The following ZMAT4 variants were observed in gnomAD, a reference collection of about 807,000 sequenced individuals.
The protein encoded by ZMAT4 is zinc finger matrin-type 4.
In ZMAT4, 17 loss-of-function variants were observed where a neutral mutation model predicts 28.7. The ratio of observed to expected loss-of-function variants is 0.59; its 90% CI spans 0.41 to 0.89. ZMAT4 has a LOEUF of 0.89. ZMAT4 is among the 40% of genes least tolerant of loss of function. The pLI is 0.00. For synonymous variants in ZMAT4, 117 were observed against 109.2 expected, an observed-to-expected ratio of 1.07 and a Z score of -0.44; for missense variants, 240 against 283.8, an observed-to-expected ratio of 0.85 and a Z score of 1.11.
chr8:40,607,669 G>A (rs1805645169), intron 5 of ZMAT4, among the ~76,000 whole-genome samples: 1 of 152,104 alleles, frequency 6.6e-6, no homozygotes, highest in South Asian at 2.1e-4. Context: ...ATGTCCAAGG[G>A]AAGATCTCCA....
intron 5 of ZMAT4, among the ~76,000 whole-genome samples, chr8:40,617,766 C>CAT (rs1462937160): frequency 6.6e-6 from 1 of 152,146 alleles, no homozygotes; most frequent in Non-Finnish European, 1.5e-5. Flanking sequence ...AACCACATAA[C>CAT]AAAAGATGAT....
chr8:40,593,310 A>T (rs1804958143), intron 5 of ZMAT4, among the ~76,000 whole-genome samples: 1 of 152,186 alleles, frequency 6.6e-6, no homozygotes, highest in African/African-American at 2.4e-5. Context: ...CAAGATACAC[A>T]GTGGGTTGGA....
chr8:40,687,625 C>T (rs1158637367), intron 4 of ZMAT4, among the ~76,000 whole-genome samples: 2 of 152,008 alleles, frequency 1.3e-5, no homozygotes, highest in Non-Finnish European at 2.9e-5. Context: ...TTGTATGGAC[C>T]TCTTTCTCTC....
At chr8:40,869,041 A>G (rs1178400971) in intron 1 of ZMAT4, among the ~76,000 whole-genome samples, 2 of 152,010 alleles carry the variant, frequency 1.3e-5, no homozygotes, top group South Asian at 2.1e-4. Flanking sequence ...GAATCCCCCA[A>G]CCTGAGCCCA....
In ZMAT4 at chr8:40,547,185, T is replaced by C. The variant is rs1026454397; in HGVS notation, c.675-14947A>G. On this transcript the variant is annotated intron_variant, in intron 6 of 6. Transcript: ENST00000297737. ...GTGTGTCACCAGTTTTCCCACAGTC[T>C]GTGTGCGGGCAACCCAGCCTGGGAG... Among the ~76,000 whole-genome samples the C allele has an allele frequency of 1.2e-4, 19 of 152,336 alleles. No homozygotes were observed. In the East Asian group the frequency reaches 3.5e-3, roughly 28 times the overall value.
At chr8:40,541,346 G>A (rs1211756318) in intron 6 of ZMAT4, among the ~76,000 whole-genome samples, 1 of 152,062 alleles carries the variant, frequency 6.6e-6, no homozygotes, top group East Asian at 1.9e-4. Context: ...GACGTGGTGG[G>A]ATGTGGCAAA....
intron 5 of ZMAT4, among the ~76,000 whole-genome samples, chr8:40,623,181 A>G (rs1585773248): frequency 6.6e-6 from 1 of 152,184 alleles, no homozygotes; most frequent in Non-Finnish European, 1.5e-5. Flanking sequence ...GTGGATGCTA[A>G]GAGGGCAGAG....
chr8:40,887,503 A>AGG (rs1818500594), intron 1 of ZMAT4, among the ~76,000 whole-genome samples: 1 of 152,034 alleles, frequency 6.6e-6, no homozygotes, highest in African/African-American at 2.4e-5. Context: ...AAAAAAAAAA[A>AGG]AAGTATGTTT....
At chr8:40,802,099 CA>C (rs1376381370) in intron 2 of ZMAT4, among the ~76,000 whole-genome samples, 1 of 152,150 alleles carries the variant, frequency 6.6e-6, no homozygotes, top group Non-Finnish European at 1.5e-5. Context: ...AGAACATCTA[CA>C]AGAAACCTTC....
intron 1 of ZMAT4, among the ~76,000 whole-genome samples, chr8:40,895,144 A>G (rs778832522): frequency 8.7e-6 from 1 of 114,502 alleles, no homozygotes; most frequent in Non-Finnish European, 2.0e-5. Flanking sequence ...CCTTCCCACC[A>G]TAGTGGTTAA....
chr8:40,800,231 T>C (rs1814779715), intron 2 of ZMAT4, among the ~76,000 whole-genome samples: 1 of 152,048 alleles, frequency 6.6e-6, no homozygotes, highest in East Asian at 1.9e-4. Context: ...TAACAAGGCG[T>C]CAAAACACAT....
At chr8:40,865,114 A>G (rs1817630370) in intron 1 of ZMAT4, among the ~76,000 whole-genome samples, 1 of 152,152 alleles carries the variant, frequency 6.6e-6, no homozygotes, top group Non-Finnish European at 1.5e-5. Context: ...CGCTTTTTGC[A>G]CGGACATATC....
intron 3 of ZMAT4, among the ~76,000 whole-genome samples, chr8:40,723,821 G>A (rs1343709556): frequency 1.3e-5 from 2 of 152,120 alleles, no homozygotes; most frequent in Non-Finnish European, 2.9e-5. Context: ...GGAGAAAGGT[G>A]CTGCTGGTGG....
At chr8:40,581,343 G>C (rs1483559836) in intron 5 of ZMAT4, 82 bp from the exon 6 acceptor site, 1 of 1,206,230 alleles carries the variant, frequency 8.3e-7, no homozygotes, top group African/African-American at 1.5e-5. Flanking sequence ...AGAAGTTCAG[G>C]GACACAGTGT....
At chr8:40,596,943 G>A (rs886227864) in intron 5 of ZMAT4, among the ~76,000 whole-genome samples, 3 of 152,036 alleles carry the variant, frequency 2.0e-5, no homozygotes, top group Admixed American at 6.6e-5. Context: ...TCTCAACTCC[G>A]GCTCCTGCTA....
intron 5 of ZMAT4, among the ~76,000 whole-genome samples, chr8:40,620,189 A>T (rs1223150957): frequency 6.6e-6 from 1 of 152,192 alleles, no homozygotes; most frequent in African/African-American, 2.4e-5. Flanking sequence ...ATGCGTACTG[A>T]CCACCTTGTA....
intron 2 of ZMAT4, among the ~76,000 whole-genome samples, chr8:40,788,421 A>G (rs1814176806): frequency 6.6e-6 from 1 of 151,998 alleles, no homozygotes; most frequent in African/African-American, 2.4e-5. Context: ...TGTCTCTACT[A>G]AAAAATACCA....
At chr8:40,586,271 A>T (rs537637949) in intron 5 of ZMAT4, among the ~76,000 whole-genome samples, 37 of 152,328 alleles carry the variant, frequency 2.4e-4, no homozygotes, top group Admixed American at 8.5e-4. Flanking sequence ...AAACCAAAAA[A>T]TGCTAACTTC....
intron 5 of ZMAT4, among the ~76,000 whole-genome samples, chr8:40,641,532 A>T (rs1807025407): frequency 6.6e-6 from 1 of 152,184 alleles, no homozygotes; most frequent in Non-Finnish European, 1.5e-5. Flanking sequence ...TACTGTATTG[A>T]AGTAGGATTG....
Sources: gnomAD v4.1 joint callset for allele counts (sites outside exome capture counted in the v4.1 genomes callset) on GRCh38, gnomAD v4.1.1 for gene constraint, MANE v1.5 for transcripts, NCBI Gene and HGNC (gene_info 2026-07-23, HGNC 2026-07-21) for gene names.